Variants in PRRT1B observed in about 807,000 individuals in gnomAD.
The protein encoded by PRRT1B is proline rich transmembrane protein 1B.
downstream of PRRT1B, among the ~76,000 whole-genome samples, chr9:131,559,636 T>G (rs551315156): frequency 6.6e-6 from 1 of 152,160 alleles, no homozygotes; most frequent in Non-Finnish European, 1.5e-5. Context: ...GAGGCAGGCA[T>G]GAGGAAGTAA....
intron 1 of PRRT1B, among the ~76,000 whole-genome samples, chr9:131,546,820 C>G (rs867290660): frequency 9.2e-5 from 14 of 152,306 alleles, no homozygotes; most frequent in Middle Eastern, 3.4e-3. Flanking sequence ...TCCGCGCCAT[C>G]GGGCCAGATA....
downstream of PRRT1B, among the ~76,000 whole-genome samples, chr9:131,558,788 G>C (rs113112241): frequency 6.6e-6 from 1 of 152,182 alleles, no homozygotes; most frequent in Non-Finnish European, 1.5e-5. Context: ...GGGCCACTCT[G>C]TCTGGTCAAT....
chr9:131,559,337 G>C (rs1242797653), downstream of PRRT1B, among the ~76,000 whole-genome samples: 1 of 152,202 alleles, frequency 6.6e-6, no homozygotes, highest in Non-Finnish European at 1.5e-5. Flanking sequence ...TAGCTACTCG[G>C]GAGGCTGAGG....
At chr9:131,549,040 A>G (rs939328058) in intron 1 of PRRT1B, among the ~76,000 whole-genome samples, 2 of 152,206 alleles carry the variant, frequency 1.3e-5, no homozygotes, top group African/African-American at 4.8e-5. Flanking sequence ...GATGCTTTAC[A>G]GCCCTAGACC....
At chr9:131,549,435 C>CG (rs1950996594) in intron 1 of PRRT1B, among the ~76,000 whole-genome samples, 1 of 152,190 alleles carries the variant, frequency 6.6e-6, no homozygotes, top group Non-Finnish European at 1.5e-5. Context: ...CCCATCTGTG[C>CG]GGGACCCCAC....
chr9:131,547,330 G>A (rs906870612), intron 1 of PRRT1B, among the ~76,000 whole-genome samples: 5 of 152,066 alleles, frequency 3.3e-5, no homozygotes, highest in Non-Finnish European at 5.9e-5. Flanking sequence ...AAGTGGAAAT[G>A]GCCTGTTCCT....
chr9:131,557,444 AG>A (rs1951057790), intron 3 of PRRT1B, among the ~76,000 whole-genome samples: 1 of 152,214 alleles, frequency 6.6e-6, no homozygotes, highest in South Asian at 2.1e-4. Flanking sequence ...AGGCTGAGAC[AG>A]GAGAATCACT....
At chr9:131,554,762 G>A (rs1321238111) in exon 2 of PRRT1B, 4 of 320,582 alleles carry the variant, frequency 1.2e-5, no homozygotes, top group South Asian at 1.4e-4. Context: ...AGGACGCCCC[G>A]GCCCAGGCGG....
At chr9:131,557,986 C>G in intron 3 of PRRT1B, 67 bp from the exon 4 acceptor site, 2 of 398,404 alleles carry the variant, frequency 5.0e-6, no homozygotes, top group Non-Finnish European at 8.9e-6. Context: ...AGCCCTCAAT[C>G]GCACTGGGAG....
intron 2 of PRRT1B, among the ~76,000 whole-genome samples, chr9:131,555,640 C>T (rs1400516851): frequency 1.3e-5 from 2 of 152,064 alleles, no homozygotes; most frequent in Non-Finnish European, 2.9e-5. Flanking sequence ...CACACCATTG[C>T]ACTCCGGGCT....
At chr9:131,547,136 A>G (rs1950981995) in intron 1 of PRRT1B, among the ~76,000 whole-genome samples, 1 of 143,738 alleles carries the variant, frequency 7.0e-6, no homozygotes, top group Non-Finnish European at 1.5e-5. Flanking sequence ...CAGTGGCACA[A>G]TCTCGGCTCA....
chr9:131,551,643 A>G lies in PRRT1B; in HGVS notation c.26-2914A>G, dbSNP rs1951013123. On this transcript the variant is annotated intron_variant, in intron 1 of 3. Coordinates refer to ENST00000636672, the Ensembl canonical transcript of PRRT1B. This position sits in a 1 kb window ranked among gnomAD's most constrained non-coding sequence, Gnocchi z 4.4. ...ACATTCCACCACAAAAGAAGTGAAA[A>G]TGGCCTGTTCCTGCCTTAACTGATG... 2.0e-5 allele frequency among the ~76,000 whole-genome samples: 3 copies of G among 151,502 alleles called. No individual in the cohort carries two copies. The highest frequency in any genetic ancestry group is 2.0e-4 in the Admixed American group (3 of 15,226).
At chr9:131,548,149 C>T (rs1950987700) in intron 1 of PRRT1B, among the ~76,000 whole-genome samples, 1 of 152,104 alleles carries the variant, frequency 6.6e-6, no homozygotes, top group South Asian at 2.1e-4. Context: ...GCTGCTCACC[C>T]AACCCATTCT....
chr9:131,557,058 ACCCACCAAT>A (rs1269426509), intron 3 of PRRT1B, among the ~76,000 whole-genome samples: 2 of 151,458 alleles, frequency 1.3e-5, no homozygotes, highest in Non-Finnish European at 2.9e-5. Flanking sequence ...CTACTCACCC[ACCCACCAAT>A]CCCTACCCAT....
rs1267444986 is a variant in PRRT1B at position 131,554,699 on chromosome 9, G to A, written c.168G>A (p.Glu56=). ...CGCGCCGCCCGCGGACCCTGGACGAGGACGGGGCGCCCAGCGAGGACGGGG... is the reference window on the plus strand; with the variant it reads ...CGCGCCGCCCGCGGACCCTGGACGAAGACGGGGCGCCCAGCGAGGACGGGG... The change falls in exon 2 of 4, where the codon GAG becomes GAA. Residue 56 remains glutamate, a synonymous_variant. Coordinates refer to ENST00000636672, the Ensembl canonical transcript of PRRT1B. 21 of 365,872 alleles carry A rather than the reference G, an allele frequency of 5.7e-5. No individual in the cohort carries two copies. In the South Asian group the frequency reaches 1.2e-3, roughly 21 times the overall value. 22.7% of individuals were successfully genotyped at this position (365,872 alleles called of 1,614,324 possible).
At chr9:131,554,166 C>T (rs72757687) in intron 1 of PRRT1B, among the ~76,000 whole-genome samples, 4,977 of 152,352 alleles carry the variant, frequency 0.033, 110 homozygotes, top group Middle Eastern at 0.075. Context: ...AGGTAGGCGT[C>T]CCCTTCATTG....
chr9:131,556,278 T>C, intron 3 of PRRT1B, 65 bp downstream of exon 3: 2 of 400,078 alleles, frequency 5.0e-6, no homozygotes, highest in East Asian at 3.6e-5. Context: ...CCCCAGTGGG[T>C]CCACAGAGCC....
chr9:131,548,608 T>TGG (rs1950990769), intron 1 of PRRT1B, among the ~76,000 whole-genome samples: 1 of 152,080 alleles, frequency 6.6e-6, no homozygotes, highest in Non-Finnish European at 1.5e-5. Context: ...CAATGCAACT[T>TGG]GTCCCAAATC....
intron 1 of PRRT1B, among the ~76,000 whole-genome samples, chr9:131,546,067 A>G (rs570443083): frequency 2.6e-5 from 4 of 152,240 alleles, no homozygotes; most frequent in South Asian, 4.1e-4. Context: ...CCTGCGGGCA[A>G]GCCAGGGAGG....
Sources: allele counts gnomAD v4.1 joint callset (sites outside exome capture counted in the v4.1 genomes callset), GRCh38; gene constraint gnomAD v4.1.1; non-coding constraint Gnocchi (gnomAD v3.1); transcripts MANE v1.5; gene names NCBI Gene and HGNC (gene_info 2026-07-23, HGNC 2026-07-21).